STK39: variants seen among roughly 807,000 people sequenced by gnomAD.
STK39 encodes STE20/SPS1-related proline-alanine-rich protein kinase.
In STK39, 20 loss-of-function variants were observed where a neutral mutation model predicts 77.8. The observed-to-expected ratio is 0.26, with a 90% CI of 0.18 to 0.37. The LOEUF (loss-of-function observed/expected upper bound fraction) is 0.37. Ranked by LOEUF, STK39 falls within the 10% of genes least tolerant of loss-of-function variation. The pLI is 1.00. For missense variants in STK39, 479 were observed against 656.5 expected, an observed-to-expected ratio of 0.73 and a Z score of 2.95; for synonymous variants, 246 against 234.1, an observed-to-expected ratio of 1.05 and a Z score of -0.47.
chr2:168,016,411 A>AAAAAAAAAAAAAAAAAC (rs1553514357), intron 15 of STK39, among the ~76,000 whole-genome samples: 1 of 148,560 alleles, frequency 6.7e-6, no homozygotes, highest in African/African-American at 2.6e-5. Flanking sequence ...AAAAAAAAAA[A>AAAAAAAAAAAAAAAAAC]AACAACACTA....
chr2:168,164,622 G>T (rs190200109), intron 3 of STK39, among the ~76,000 whole-genome samples: 5 of 151,642 alleles, frequency 3.3e-5, no homozygotes, highest in Non-Finnish European at 7.4e-5. Flanking sequence ...GCCCATGCCG[G>T]TCTTGAACTT....
At chr2:167,969,958 C>T (rs565873721) in intron 16 of STK39, among the ~76,000 whole-genome samples, 2 of 152,338 alleles carry the variant, frequency 1.3e-5, no homozygotes, top group East Asian at 3.9e-4. Context: ...TCACCACTCT[C>T]TCCCTTGCTG....
chr2:167,998,097 T>G (rs1186757711), intron 16 of STK39, among the ~76,000 whole-genome samples: 1 of 149,646 alleles, frequency 6.7e-6, no homozygotes, highest in Admixed American at 6.7e-5. Flanking sequence ...ATAAACCCAA[T>G]TAAAGGGAAG....
chr2:168,242,561 ATATATATATATATATATATAT>A (rs1690792433), intron 1 of STK39, among the ~76,000 whole-genome samples: 1 of 68,290 alleles, frequency 1.5e-5, no homozygotes, highest in African/African-American at 5.8e-5. Context: ...AAAAAAAAAA[ATATATATATATATATATATAT>A]ATATATATAT....
At chr2:168,139,425 A>ATATATAT (rs1559115956) in intron 7 of STK39, among the ~76,000 whole-genome samples, 6 of 131,850 alleles carry the variant, frequency 4.6e-5, no homozygotes, top group African/African-American at 2.0e-4. Flanking sequence ...TATATATATA[A>ATATATAT]AAACAATAAA....
chr2:168,233,411 T>G (rs1367808800), intron 1 of STK39, among the ~76,000 whole-genome samples: 1 of 152,136 alleles, frequency 6.6e-6, no homozygotes, highest in Non-Finnish European at 1.5e-5. Flanking sequence ...TGCCCAAAAT[T>G]AAACCCACTT....
At chr2:168,113,904 T>C (rs1008725751) in intron 10 of STK39, among the ~76,000 whole-genome samples, 3 of 152,156 alleles carry the variant, frequency 2.0e-5, no homozygotes, top group Non-Finnish European at 2.9e-5. Context: ...AGAAATAACA[T>C]ATCACAGAAA....
At chr2:168,000,274 T>C (rs951455130) in intron 16 of STK39, among the ~76,000 whole-genome samples, 3 of 152,178 alleles carry the variant, frequency 2.0e-5, no homozygotes, top group African/African-American at 7.2e-5. Context: ...AAAAAGTTCA[T>C]CATGAAAAAA....
In STK39 at chr2:167,955,456, G is replaced by A. The variant is rs1691737144; in HGVS notation, c.*40C>T. Reference sequence around the variant, plus strand: ...AGGGTTGAAGGGAGTAGGGGTGGCGGTGGGGCATGACAGATCAGGGTGACA... The same window carrying A: ...AGGGTTGAAGGGAGTAGGGGTGGCGATGGGGCATGACAGATCAGGGTGACA... On this transcript the variant is annotated 3_prime_UTR_variant, in exon 18 of 18. Transcript: ENST00000355999. 1.3e-6 allele frequency: 2 copies of A among 1,599,762 alleles called. No homozygotes were observed. Among genetic ancestry groups the A allele is most frequent in the South Asian group, 1.1e-5 (1 of 90,008 alleles).
chr2:168,123,357 G>A (rs562899674), intron 10 of STK39, among the ~76,000 whole-genome samples: 2 of 152,200 alleles, frequency 1.3e-5, no homozygotes, highest in African/African-American at 2.4e-5. Context: ...GTATTACATC[G>A]ATGTTCTTTT....
At chr2:167,985,882 C>A (rs1446210419) in intron 16 of STK39, among the ~76,000 whole-genome samples, 1 of 152,180 alleles carries the variant, frequency 6.6e-6, no homozygotes, top group East Asian at 1.9e-4. Flanking sequence ...AAACTCTTAG[C>A]AGCCCAAGAC....
rs1690951665 is a variant in STK39, at chr2:168,247,319, A to G, written c.117T>C (p.Ala39=). Residue 39 remains alanine (A), a synonymous_variant, in exon 1 of 18, where the codon GCT becomes GCC. Transcript: ENST00000355999. The part of the protein sequence containing the change: ...AAATAAPAPA[A]PAAPAPAPAP... ...CCGGGGCCGGGGCCGGGGCCGCGGG[A>G]GCTGCCGGGGCCGGCGCTGCTGTCG... 1.7e-6 allele frequency: 1 copy of G among 588,276 alleles called. No homozygotes were observed. The allele number at this position is 588,276 out of a possible 1,614,324, so 36.4% of individuals were successfully genotyped here.
intron 12 of STK39, among the ~76,000 whole-genome samples, chr2:168,074,381 T>C (rs987214164): frequency 6.6e-6 from 1 of 152,210 alleles, no homozygotes; most frequent in Non-Finnish European, 1.5e-5. Flanking sequence ...CAGTTATCAT[T>C]AGGCATTAGG....
chr2:168,120,166 G>A (rs964839062), intron 10 of STK39, among the ~76,000 whole-genome samples: 2 of 152,156 alleles, frequency 1.3e-5, no homozygotes, highest in African/African-American at 4.8e-5. Flanking sequence ...ATAGTCTAAT[G>A]TATCTTATCC....
At chr2:167,956,695 CACTCTCT>C (rs1691783699) in intron 17 of STK39, among the ~76,000 whole-genome samples, 1 of 39,426 alleles carries the variant, frequency 2.5e-5, no homozygotes, top group East Asian at 3.9e-4. Context: ...CACACACACA[CACTCTCT>C]CTCTCTCTCT....
At position 168,137,938 on chromosome 2, in the gene STK39, A is replaced by T. The variant is rs1285495881; in HGVS notation, c.974+150T>A. On this transcript the variant is annotated intron_variant, in intron 8 of 17. Coordinates refer to ENST00000355999, the MANE Select transcript of STK39 (RefSeq NM_013233.3). ...CCCTCTTGGACCCACACCGTCTTTC[A>T]CTAACAGGTTGGAAATCTGGGGACC... The T allele has an allele frequency of 9.3e-6, 10 of 1,080,494 alleles. No homozygotes were observed. In the Admixed American group the frequency reaches 1.7e-4, roughly 19 times the overall value. 66.9% of individuals were successfully genotyped at this position (1,080,494 alleles called of 1,614,324 possible).
At chr2:168,082,303 C>T (rs1485419773) in intron 10 of STK39, among the ~76,000 whole-genome samples, 3 of 152,306 alleles carry the variant, frequency 2.0e-5, no homozygotes, top group East Asian at 1.9e-4. Flanking sequence ...AGAATTACTC[C>T]ATCACTCTTC....
At chr2:168,100,403 C>A (rs1461311296) in intron 10 of STK39, among the ~76,000 whole-genome samples, 8 of 152,092 alleles carry the variant, frequency 5.3e-5, no homozygotes, top group Non-Finnish European at 8.8e-5. Flanking sequence ...CCTCTCTGAG[C>A]CTCAGTGTCT....
intron 4 of STK39, among the ~76,000 whole-genome samples, chr2:168,162,636 AT>A (rs1688604159): frequency 6.6e-6 from 1 of 152,172 alleles, no homozygotes; most frequent in African/African-American, 2.4e-5. Context: ...TAGATATTAT[AT>A]TTCTTCACCG....
Sources: allele counts gnomAD v4.1 joint callset (sites outside exome capture counted in the v4.1 genomes callset), GRCh38; gene constraint gnomAD v4.1.1; transcripts MANE v1.5; gene names NCBI Gene and HGNC (gene_info 2026-07-23, HGNC 2026-07-21).